The following PPFIA2 variants were observed in gnomAD, a reference collection of about 807,000 sequenced individuals.
PPFIA2 encodes liprin-alpha-2.
PPFIA2 carries 46 observed loss-of-function variants against 175.5 expected under a neutral mutation model. The observed-to-expected ratio is 0.26, with a 90% CI of 0.21 to 0.34. The LOEUF (loss-of-function observed/expected upper bound fraction) is 0.34. Ranked by LOEUF, PPFIA2 falls within the 10% of genes least tolerant of loss-of-function variation. The probability of loss-of-function intolerance (pLI) is 1.00; values close to 1 mark genes in which losing one functional copy is unlikely to be tolerated. For missense variants in PPFIA2, 1,179 were observed against 1,506.1 expected (o/e 0.78, Z 3.60); for synonymous variants, 568 against 511.4 (o/e 1.11, Z -1.49).
chr12:81,726,280 G>T (rs980078318), intron 3 of PPFIA2, among the ~76,000 whole-genome samples: 1 of 151,158 alleles, frequency 6.6e-6, no homozygotes, highest in South Asian at 2.1e-4. Flanking sequence ...TTCTCAAATA[G>T]ATTATTTCTA....
intron 4 of PPFIA2, among the ~76,000 whole-genome samples, chr12:81,616,400 T>C (rs937664230): frequency 1.3e-5 from 2 of 152,188 alleles, no homozygotes; most frequent in African/African-American, 2.4e-5. Flanking sequence ...TAGGCAAGTC[T>C]AACAAGTATA....
intron 4 of PPFIA2, among the ~76,000 whole-genome samples, chr12:81,661,103 G>T (rs1211096159): frequency 1.3e-5 from 2 of 152,176 alleles, no homozygotes; most frequent in Non-Finnish European, 2.9e-5. Context: ...ATGCCAAATT[G>T]TAAAGACCAT....
intron 4 of PPFIA2, chr12:81,512,272 C>T (rs542435736): frequency 3.6e-4 from 459 of 1,278,478 alleles, no homozygotes; most frequent in Non-Finnish European, 3.8e-4. Flanking sequence ...CTCATGCTGA[C>T]ACAAAACATA....
At chr12:81,374,548 C>A in intron 11 of PPFIA2, 86 bp downstream of exon 11, 1 of 1,423,040 alleles carries the variant, frequency 7.0e-7, no homozygotes, top group Non-Finnish European at 9.4e-7. Flanking sequence ...TTCATAAAGC[C>A]TATAGAAAAT....
intron 16 of PPFIA2, among the ~76,000 whole-genome samples, chr12:81,357,074 A>G (rs1410945087): frequency 5.3e-5 from 8 of 152,182 alleles, no homozygotes; most frequent in Non-Finnish European, 2.9e-5. Context: ...GTGATCATAT[A>G]AAATGATTTC....
At chr12:81,630,027 G>T (rs2153495266) in intron 4 of PPFIA2, among the ~76,000 whole-genome samples, 1 of 152,286 alleles carries the variant, frequency 6.6e-6, no homozygotes, top group Middle Eastern at 3.4e-3. Flanking sequence ...GTGAGAGAGT[G>T]ATTTGAAGAT....
At chr12:81,461,464 C>T (rs1208366722) in intron 4 of PPFIA2, among the ~76,000 whole-genome samples, 1 of 152,052 alleles carries the variant, frequency 6.6e-6, no homozygotes, top group Non-Finnish European at 1.5e-5. Flanking sequence ...GACCACTTAC[C>T]ACATATCAGA....
chr12:81,467,880 G>A (rs1332981080), intron 4 of PPFIA2, among the ~76,000 whole-genome samples: 1 of 152,150 alleles, frequency 6.6e-6, no homozygotes, highest in African/African-American at 2.4e-5. Context: ...ACCCAGGTGG[G>A]AAGGATGCTC....
intron 8 of PPFIA2, among the ~76,000 whole-genome samples, chr12:81,395,177 G>T (rs993129554): frequency 6.6e-6 from 1 of 151,828 alleles, no homozygotes; most frequent in Non-Finnish European, 1.5e-5. Flanking sequence ...ATCTTTATAT[G>T]CCAGTATTAA....
rs1400124063 is a variant in PPFIA2, at chr12:81,747,911, T to C, written c.249+6062A>G. Among the ~76,000 whole-genome samples, 2 of 144,522 alleles carry C rather than the reference T, an allele frequency of 1.4e-5. 1 individual carries two copies. The highest frequency in any genetic ancestry group is 3.1e-5 in the Non-Finnish European group (2 of 64,350). The allele number at this position is 144,522 out of a possible 152,430, so 94.8% of individuals were successfully genotyped here. A position where few individuals can be genotyped will look rare whatever the true frequency, so the allele number is the denominator to read the frequency against. On this transcript the variant is annotated intron_variant, in intron 3 of 32. Transcript: ENST00000549396. ...ACACCAGCACATCCCAAATTATACA[T>C]ATAAAAACCTGGTATTTTAAAATGC... is the stretch of plus-strand genomic sequence containing the variant.
rs540445750 is a variant in PPFIA2, at chr12:81,317,522, A to C, written c.2642+8255T>G. Among the ~76,000 whole-genome samples the C allele has an allele frequency of 3.5e-3, 531 of 151,616 alleles. 1 individual carries two copies. Among genetic ancestry groups the C allele is most frequent in the African/African-American group, 0.012 (488 of 41,510 alleles). On this transcript the variant is annotated intron_variant, in intron 22 of 32. Coordinates refer to ENST00000549396, the MANE Select transcript of PPFIA2 (RefSeq NM_003625.5). ...ACAGATTTGAGAGATTTTTTTTAAA[A>C]AATGCAATTGACTACATTTGGTAAT...
chr12:81,418,550 T>C (rs1206772258), intron 7 of PPFIA2, among the ~76,000 whole-genome samples: 1 of 151,972 alleles, frequency 6.6e-6, no homozygotes, highest in Non-Finnish European at 1.5e-5. Flanking sequence ...GCCAAACTCA[T>C]TTGTTTACAC....
chr12:81,503,333 A>G (rs1404811762), intron 4 of PPFIA2, among the ~76,000 whole-genome samples: 1 of 152,106 alleles, frequency 6.6e-6, no homozygotes, highest in Non-Finnish European at 1.5e-5. Flanking sequence ...GCTGTCCAAA[A>G]AAACAAAACA....
At chr12:81,320,196 CA>C (rs1324037156) in intron 22 of PPFIA2, among the ~76,000 whole-genome samples, 1 of 151,822 alleles carries the variant, frequency 6.6e-6, no homozygotes, top group Non-Finnish European at 1.5e-5. Context: ...TGCCAAATGC[CA>C]AAGATTAAAA....
Position 81,283,001 on chromosome 12 carries a change from A to G in PPFIA2, c.3018+9T>C, listed in dbSNP as rs974843394. On this transcript the variant is annotated intron_variant, in intron 26 of 32. Transcript: ENST00000549396. ...ATATTAAGGGTCTTAAAGCATATGAATCTCCTACCTGGGCCCAGCTTCCTT... is the reference window on the plus strand; with the variant it reads ...ATATTAAGGGTCTTAAAGCATATGAGTCTCCTACCTGGGCCCAGCTTCCTT... The G allele has an allele frequency of 1.9e-6, 3 of 1,610,348 alleles. No homozygotes were observed. Among genetic ancestry groups the G allele is most frequent in the South Asian group, 1.1e-5 (1 of 90,928 alleles).
chr12:81,523,043 G>A (rs2063333658), intron 4 of PPFIA2, among the ~76,000 whole-genome samples: 1 of 152,156 alleles, frequency 6.6e-6, no homozygotes, highest in African/African-American at 2.4e-5. Flanking sequence ...AGGATTACAT[G>A]AGATTGTTTT....
At chr12:81,491,659 G>A (rs2059432379) in intron 4 of PPFIA2, among the ~76,000 whole-genome samples, 1 of 151,838 alleles carries the variant, frequency 6.6e-6, no homozygotes. Context: ...ACCAGACACT[G>A]GATCCACCAG....
At chr12:81,585,596 G>A (rs569638482) in intron 4 of PPFIA2, among the ~76,000 whole-genome samples, 4 of 151,610 alleles carry the variant, frequency 2.6e-5, no homozygotes, top group Admixed American at 6.6e-5. Flanking sequence ...CACCATTGTC[G>A]TCCACCTCCA....
chr12:81,406,106 A>G (rs1010288583), intron 7 of PPFIA2, among the ~76,000 whole-genome samples: 2 of 152,186 alleles, frequency 1.3e-5, no homozygotes, highest in African/African-American at 4.8e-5. Flanking sequence ...AAAATTCATA[A>G]TATCTCTACT....
Sources: allele counts gnomAD v4.1 joint callset (sites outside exome capture counted in the v4.1 genomes callset), GRCh38; gene constraint gnomAD v4.1.1; transcripts MANE v1.5; gene names NCBI Gene and HGNC (gene_info 2026-07-23, HGNC 2026-07-21).